Variants in CATSPERB observed in about 807,000 individuals in gnomAD.
The protein encoded by CATSPERB is cation channel sperm-associated auxiliary subunit beta.
CATSPERB carries 93 observed loss-of-function variants against 128.3 expected under a neutral mutation model. That is an observed-to-expected ratio of 0.72 (90% CI 0.61 to 0.86). The LOEUF (loss-of-function observed/expected upper bound fraction) is 0.86, where lower values mean the gene tolerates loss of function less well. CATSPERB is among the 40% of genes least tolerant of loss of function. The pLI, the probability that CATSPERB is intolerant of heterozygous loss-of-function variation, is 0.00. For missense variants in CATSPERB, 1,153 were observed against 1,329.5 expected (o/e 0.87, Z 2.06); for synonymous variants, 381 against 448.8 (o/e 0.85, Z 1.91).
chr14:91,634,369 T>C (rs1894331426), intron 17 of CATSPERB, among the ~76,000 whole-genome samples: 1 of 152,126 alleles, frequency 6.6e-6, no homozygotes, highest in Non-Finnish European at 1.5e-5. Flanking sequence ...TAAGTGGACC[T>C]GCACAGTTCA....
At chr14:91,717,818 A>T (rs1400700278) in intron 5 of CATSPERB, among the ~76,000 whole-genome samples, 1 of 152,234 alleles carries the variant, frequency 6.6e-6, no homozygotes, top group Non-Finnish European at 1.5e-5. Flanking sequence ...GTGAATGAAT[A>T]AATATGATCT....
rs1002412992 is a variant in CATSPERB at position 91,658,709 on chromosome 14, T to TA, written c.1432+1127dup. ...ACAAAAATTAAGAATAAAATATTTT[T>TA]AAAAAAAGGAAGGGAAGAGAAGGAA... On this transcript the variant is annotated intron_variant, in intron 15 of 26. Transcript: ENST00000256343. Among the ~76,000 whole-genome samples, 3 of 20,092 alleles carry TA rather than the reference T, an allele frequency of 1.5e-4. 1 individual carries two copies. The highest frequency in any genetic ancestry group is 4.6e-4 in the African/African-American group (3 of 6,500). The allele number at this position is 20,092 out of a possible 152,430, so 13.2% of individuals were successfully genotyped here.
At chr14:91,673,703 T>A (rs1292778566) in intron 12 of CATSPERB, among the ~76,000 whole-genome samples, 2 of 152,038 alleles carry the variant, frequency 1.3e-5, no homozygotes, top group Non-Finnish European at 2.9e-5. Context: ...GCCAACATGG[T>A]GAAACCCTGT....
chr14:91,605,834 ACT>A (rs1321843645), intron 22 of CATSPERB, among the ~76,000 whole-genome samples: 2 of 151,680 alleles, frequency 1.3e-5, no homozygotes, highest in East Asian at 1.9e-4. Context: ...ACTCACTCAT[ACT>A]CTGTTTTGTG....
chr14:91,631,733 A>G (rs1168610169), intron 17 of CATSPERB, among the ~76,000 whole-genome samples: 1 of 152,130 alleles, frequency 6.6e-6, no homozygotes, highest in African/African-American at 2.4e-5. Context: ...GGACCACTTC[A>G]GAAACTGTAA....
At chr14:91,613,626 T>G (rs1188601240) in intron 20 of CATSPERB, among the ~76,000 whole-genome samples, 1 of 152,158 alleles carries the variant, frequency 6.6e-6, no homozygotes, top group Non-Finnish European at 1.5e-5. Flanking sequence ...GCCCACTGAT[T>G]GTCAGCACTG....
At position 91,622,210 on chromosome 14, in the gene CATSPERB, A is replaced by ATTT. The variant is rs35544588; in HGVS notation, c.1931-276_1931-274dup. 1.7e-3 allele frequency among the ~76,000 whole-genome samples: 255 copies of ATTT among 150,658 alleles called. 1 individual carries two copies. Among genetic ancestry groups the ATTT allele is most frequent in the South Asian group, 6.7e-3 (32 of 4,782 alleles). On this transcript the variant is annotated intron_variant, in intron 18 of 26. Transcript: ENST00000256343. ...ATGTAGAGCTAAGTAAAGAAAGCTG[A>ATTT]TTTTTTTTTTTACTATGGAAATACT...
intron 7 of CATSPERB, among the ~76,000 whole-genome samples, chr14:91,702,484 G>A (rs905535970): frequency 6.6e-6 from 1 of 151,716 alleles, no homozygotes; most frequent in African/African-American, 2.4e-5. Context: ...ATTTGGGCAA[G>A]GTTATTTGTC....
intron 7 of CATSPERB, among the ~76,000 whole-genome samples, chr14:91,695,700 A>C (rs944056675): frequency 6.6e-6 from 1 of 152,194 alleles, no homozygotes; most frequent in Non-Finnish European, 1.5e-5. Context: ...CAGGGAAGTG[A>C]TGTGATCTGG....
rs1188369962 is a variant in CATSPERB at position 91,589,649 on chromosome 14, T to G, written c.2841A>C (p.Pro947=). 6.2e-7 allele frequency: 1 copy of G among 1,613,530 alleles called. No homozygotes were observed. Among genetic ancestry groups the G allele is most frequent in the Admixed American group, 1.7e-5 (1 of 59,942 alleles). Residue 947 remains proline (P), a synonymous_variant, in exon 24 of 27, where the codon CCA becomes CCC. Transcript: ENST00000256343. ...CCAAAGAAACTGGATATTGTGTAATTGGAAACTTAAAGCGAGGAACCTAAA... is the reference window on the plus strand; with the variant it reads ...CCAAAGAAACTGGATATTGTGTAATGGGAAACTTAAAGCGAGGAACCTAAA... ...CREKVPRFKF[P]ITQYPVSLEI...
At chr14:91,665,824 G>A (rs10138426) in intron 14 of CATSPERB, among the ~76,000 whole-genome samples, 58,719 of 151,762 alleles carry the variant, frequency 0.39, 11,523 homozygotes, top group Middle Eastern at 0.5. Flanking sequence ...GAGCCTGGGC[G>A]ACAGAACAAG....
intron 13 of CATSPERB, among the ~76,000 whole-genome samples, chr14:91,671,608 C>A (rs960620363): frequency 4.7e-5 from 6 of 126,956 alleles, no homozygotes; most frequent in South Asian, 2.3e-4. Context: ...CCCCAAAAAA[C>A]CAACCAACAA....
intron 22 of CATSPERB, among the ~76,000 whole-genome samples, chr14:91,595,481 T>C (rs1331753092): frequency 1.3e-5 from 2 of 152,108 alleles, no homozygotes; most frequent in Non-Finnish European, 2.9e-5. Context: ...TAAGACTTTT[T>C]TAAAGCCGAG....
At chr14:91,595,612 A>ACAGGTCAGAAACC (rs1295137177) in intron 22 of CATSPERB, among the ~76,000 whole-genome samples, 1 of 152,178 alleles carries the variant, frequency 6.6e-6, no homozygotes, top group East Asian at 1.9e-4. Flanking sequence ...TTTACTAAGC[A>ACAGGTCAGAAACC]CAGGTCAGAA....
chr14:91,581,303 A>G (rs1188207630), intron 26 of CATSPERB, among the ~76,000 whole-genome samples, 196 bp from the exon 27 acceptor site: 2 of 152,256 alleles, frequency 1.3e-5, no homozygotes, highest in African/African-American at 2.4e-5. Flanking sequence ...ATAGGGGCTA[A>G]GAAGTCCATG....
chr14:91,645,965 G>A (rs1479460922), intron 15 of CATSPERB, among the ~76,000 whole-genome samples: 8 of 149,484 alleles, frequency 5.4e-5, no homozygotes, highest in Admixed American at 1.3e-4. Context: ...GGAGTGACCC[G>A]ATTTTCCAGG....
intron 17 of CATSPERB, among the ~76,000 whole-genome samples, chr14:91,629,040 T>G (rs1053097535): frequency 9.2e-5 from 14 of 152,302 alleles, no homozygotes; most frequent in Non-Finnish European, 1.2e-4. Context: ...AGTCGAAAAC[T>G]TATATCTATA....
chr14:91,606,591 G>A (rs36007447), intron 22 of CATSPERB, among the ~76,000 whole-genome samples: 42,257 of 152,106 alleles, frequency 0.28, 6,661 homozygotes, highest in East Asian at 0.49. Flanking sequence ...AAATATTTTC[G>A]AATAATTCTG....
chr14:91,609,032 T>A (rs1422283169), intron 21 of CATSPERB, among the ~76,000 whole-genome samples: 1 of 152,204 alleles, frequency 6.6e-6, no homozygotes, highest in African/African-American at 2.4e-5. Flanking sequence ...GCTGTATTCT[T>A]ACAATAAAGT....
Sources: gnomAD v4.1 joint callset for allele counts (sites outside exome capture counted in the v4.1 genomes callset) on GRCh38, gnomAD v4.1.1 for gene constraint, MANE v1.5 for transcripts, NCBI Gene and HGNC (gene_info 2026-07-23, HGNC 2026-07-21) for gene names.